TNRC6C: variants seen among roughly 807,000 people sequenced by gnomAD.
TNRC6C encodes trinucleotide repeat containing adaptor 6C.
A neutral mutation model predicts 153.7 loss-of-function variants in TNRC6C; 20 were observed. The ratio of observed to expected loss-of-function variants is 0.13; its 90% CI spans 0.09 to 0.19. TNRC6C has a LOEUF of 0.19. Among genes scored for constraint, TNRC6C ranks in the 10% least tolerant of loss-of-function variants. The probability of loss-of-function intolerance (pLI) is 1.00; values close to 1 mark genes in which losing one functional copy is unlikely to be tolerated. For synonymous variants in TNRC6C, 811 were observed against 841.4 expected, an observed-to-expected ratio of 0.96 and a Z score of 0.63; for missense variants, 1,987 against 2,172.0, an observed-to-expected ratio of 0.91 and a Z score of 1.69.
At chr17:78,078,974 T>C (rs1034990631) in intron 9 of TNRC6C, among the ~76,000 whole-genome samples, 1 of 151,928 alleles carries the variant, frequency 6.6e-6, no homozygotes, top group South Asian at 2.1e-4. Context: ...GCGACGGTAA[T>C]CCCAGCTCCT....
chr17:78,067,551 T>A (rs548617601), intron 4 of TNRC6C, among the ~76,000 whole-genome samples: 1 of 152,248 alleles, frequency 6.6e-6, no homozygotes, highest in Admixed American at 6.5e-5. Flanking sequence ...TAGCTGATGT[T>A]TGAAGGAAAA....
exon 13 of TNRC6C, chr17:78,087,082 C>T: frequency 6.2e-7 from 1 of 1,613,568 alleles, no homozygotes; most frequent in East Asian, 2.2e-5. Flanking sequence ...ACCTTTGCTC[C>T]TTACCCTCTC....
intron 1 of TNRC6C, among the ~76,000 whole-genome samples, chr17:77,993,876 T>A (rs948865203): frequency 1.3e-5 from 2 of 152,008 alleles, no homozygotes; most frequent in African/African-American, 4.8e-5. Flanking sequence ...AATCAGTCAC[T>A]TTTTTTTCTA....
At chr17:78,097,136 C>G (rs1474096889) in intron 16 of TNRC6C, among the ~76,000 whole-genome samples, 1 of 152,096 alleles carries the variant, frequency 6.6e-6, no homozygotes, top group African/African-American at 2.4e-5. Flanking sequence ...GATCACTGAG[C>G]CCAGGAGGTT....
intron 1 of TNRC6C, among the ~76,000 whole-genome samples, chr17:77,963,034 T>G (rs979948691): frequency 6.6e-6 from 1 of 152,216 alleles, no homozygotes; most frequent in Non-Finnish European, 1.5e-5. Flanking sequence ...CTATCCAAAT[T>G]TATACAAATG....
chr17:78,084,152 C>T (rs1009157744), intron 11 of TNRC6C, among the ~76,000 whole-genome samples: 3 of 151,956 alleles, frequency 2.0e-5, no homozygotes, highest in Non-Finnish European at 4.4e-5. Flanking sequence ...GGCATGATGG[C>T]GCATGTCTGT....
At chr17:77,987,617 G>A (rs941975043) in intron 1 of TNRC6C, among the ~76,000 whole-genome samples, 23 of 152,096 alleles carry the variant, frequency 1.5e-4, no homozygotes, top group African/African-American at 5.3e-4. Context: ...AGTAAATTAT[G>A]GTCCATCAAC....
intron 1 of TNRC6C, among the ~76,000 whole-genome samples, chr17:77,964,393 A>C (rs1158198684): frequency 1.3e-5 from 2 of 152,182 alleles, no homozygotes; most frequent in Non-Finnish European, 2.9e-5. Context: ...TCCTTTACTA[A>C]TGTGCAGACT....
At chr17:77,958,787 G>A (rs1415987613), upstream of TNRC6C, among the ~76,000 whole-genome samples, 2 of 149,006 alleles carry the variant, frequency 1.3e-5, no homozygotes, top group African/African-American at 2.5e-5. Flanking sequence ...CGCCGGCCCC[G>A]CCGCCGCGCA....
chr17:78,030,746 G>A (rs2072054941), intron 1 of TNRC6C, among the ~76,000 whole-genome samples: 1 of 152,156 alleles, frequency 6.6e-6, no homozygotes, highest in African/African-American at 2.4e-5. Context: ...CAAGAGCAGT[G>A]GTTCTCATAG....
exon 4 of TNRC6C, chr17:78,064,807 G>A (rs2072840195): frequency 6.2e-7 from 1 of 1,613,906 alleles, no homozygotes; most frequent in African/African-American, 1.3e-5. Flanking sequence ...CTACCCTGGT[G>A]GATAATGGCA....
chr17:78,051,569 T>G, intron 3 of TNRC6C, 121 bp downstream of exon 5: 1 of 1,094,456 alleles, frequency 9.1e-7, no homozygotes, highest in Non-Finnish European at 1.2e-6. Flanking sequence ...TAAAATAATT[T>G]AAGTTCCCTA....
At chr17:78,106,592 A>G (rs1271866075) in exon 20 of TNRC6C, 2 of 151,906 alleles carry the variant, frequency 1.3e-5, no homozygotes, top group African/African-American at 2.4e-5. Flanking sequence ...AACACAAAGA[A>G]GAAAAATACC....
At chr17:78,089,864 G>A (rs2073363439) in intron 13 of TNRC6C, among the ~76,000 whole-genome samples, 1 of 152,148 alleles carries the variant, frequency 6.6e-6, no homozygotes, top group South Asian at 2.1e-4. Flanking sequence ...GAAGAAAGAG[G>A]CCTGGCTTGT....
chr17:78,009,291 T>C (rs2071579513), intron 1 of TNRC6C, among the ~76,000 whole-genome samples: 1 of 152,184 alleles, frequency 6.6e-6, no homozygotes, highest in East Asian at 1.9e-4. Flanking sequence ...TAATAATAGC[T>C]TTATTTGTGA....
chr17:78,100,262 G>T (rs185165604), intron 17 of TNRC6C, among the ~76,000 whole-genome samples: 1 of 152,192 alleles, frequency 6.6e-6, no homozygotes, highest in Non-Finnish European at 1.5e-5. Context: ...TTGTGTGGGG[G>T]CTCCAACCCC....
chr17:77,982,147 A>G (rs958238607), intron 1 of TNRC6C, among the ~76,000 whole-genome samples: 8 of 152,170 alleles, frequency 5.3e-5, no homozygotes, highest in Non-Finnish European at 1.2e-4. Context: ...GAACTTGACC[A>G]TGATGGAACC....
intron 2 of TNRC6C, among the ~76,000 whole-genome samples, chr17:78,035,906 T>A (rs573446506): frequency 6.6e-6 from 1 of 152,210 alleles, no homozygotes; most frequent in Non-Finnish European, 1.5e-5. Flanking sequence ...AAGTAATACA[T>A]AGATTTTCAT....
intron 13 of TNRC6C, 148 bp downstream of exon 15, chr17:78,087,241 C>T (rs1012890798): frequency 3.8e-5 from 53 of 1,388,652 alleles, no homozygotes; most frequent in Admixed American, 5.1e-5. Context: ...CAGACAAAAT[C>T]GGAGAGCAGG....
Sources: allele counts gnomAD v4.1 joint callset (sites outside exome capture counted in the v4.1 genomes callset), GRCh38; gene constraint gnomAD v4.1.1; transcripts MANE v1.5; gene names NCBI Gene and HGNC (gene_info 2026-07-23, HGNC 2026-07-21).